Variants in HSF2 observed in about 807,000 individuals in gnomAD.
HSF2 encodes heat shock factor protein 2.
In HSF2, 21 loss-of-function variants were observed where a neutral mutation model predicts 65.0. The ratio of observed to expected loss-of-function variants is 0.32; its 90% confidence interval spans 0.23 to 0.47. The LOEUF is 0.47. Among genes scored for constraint, HSF2 ranks in the 20% least tolerant of loss-of-function variants. The probability of loss-of-function intolerance (pLI) is 1.00; values close to 1 mark genes in which losing one functional copy is unlikely to be tolerated. For synonymous variants in HSF2, 225 were observed against 219.1 expected, an observed-to-expected ratio of 1.03 and a Z score of -0.24; for missense variants, 499 against 628.1, an observed-to-expected ratio of 0.79 and a Z score of 2.20.
At chr6:122,415,337 C>G (rs1056300646) in intron 4 of HSF2, among the ~76,000 whole-genome samples, 2 of 151,936 alleles carry the variant, frequency 1.3e-5, no homozygotes, top group African/African-American at 4.8e-5. Context: ...CAACACTTAC[C>G]AAATTATTTG....
chr6:122,425,923 A>G (rs892832151), intron 10 of HSF2, among the ~76,000 whole-genome samples: 1 of 152,112 alleles, frequency 6.6e-6, no homozygotes, highest in African/African-American at 2.4e-5. Flanking sequence ...TGATTTAACA[A>G]TAAACTTCTT....
intron 11 of HSF2, among the ~76,000 whole-genome samples, chr6:122,428,231 A>C (rs1774380382): frequency 6.6e-6 from 1 of 151,980 alleles, no homozygotes; most frequent in African/African-American, 2.4e-5. Context: ...GTATATTGAA[A>C]CCAATAACTA....
At position 122,419,361 on chromosome 6, in the gene HSF2, A is replaced by G. The variant is rs934652138; in HGVS notation, c.593+132A>G. 7 of 516,424 alleles carry G rather than the reference A, an allele frequency of 1.4e-5. No individual in the cohort carries two copies. The African/African-American group carries it at 1.4e-4, about 10-fold the overall frequency. The allele number at this position is 516,424 out of a possible 1,614,324, so 32.0% of individuals were successfully genotyped here. ...AAGAACAATTCTCCTTTGTTAAATT[A>G]TACTCTTAAAATCTCTAGAGTAGTA... On this transcript the variant is annotated intron_variant, in intron 6 of 12. Transcript: ENST00000368455.
chr6:122,431,966 T>C lies in HSF2; in HGVS notation c.1357T>C (p.Phe453Leu). The C allele has an allele frequency of 6.2e-7, 1 of 1,614,038 alleles. No individual in the cohort carries two copies. The change falls in exon 13 of 13, where the codon TTC becomes CTC. Residue 453 changes from phenylalanine to leucine, a missense_variant. By Grantham distance (22) the Phe-to-Leu change is conservative. Coordinates refer to ENST00000368455, the MANE Select transcript of HSF2 (RefSeq NM_004506.4). Reference sequence around the variant, plus strand: ...GTATACCGCCTTTCCACTTCTTGCATTCCTCGATGGGAACCCTGCTTCTTC... The same window carrying C: ...GTATACCGCCTTTCCACTTCTTGCACTCCTCGATGGGAACCCTGCTTCTTC... ...IQYTAFPLLA[F>L]LDGNPASSVE... is the part of the protein sequence containing the mutation.
intron 11 of HSF2, among the ~76,000 whole-genome samples, chr6:122,428,168 A>G (rs937326503): frequency 6.6e-6 from 1 of 152,032 alleles, no homozygotes; most frequent in African/African-American, 2.4e-5. Context: ...GGGATTAACT[A>G]CCAGTATGAA....
Position 122,423,699 on chromosome 6 carries a change from G to A in HSF2, c.1176+13G>A. 1.4e-6 allele frequency: 2 copies of A among 1,471,878 alleles called. No homozygotes were observed. Among genetic ancestry groups the A allele is most frequent in the Middle Eastern group, 2.0e-4 (1 of 5,056 alleles). The allele number at this position is 1,471,878 out of a possible 1,614,324, so 91.2% of individuals were successfully genotyped here. On this transcript the variant is annotated intron_variant, in intron 10 of 12. Coordinates refer to ENST00000368455, the MANE Select transcript of HSF2 (RefSeq NM_004506.4). Reference sequence around the variant, plus strand: ...TCTCCTGGTTGATGTAGGTACTTTGGGTAATCTTTGCTATACTGGTAGTTT... The same window carrying A: ...TCTCCTGGTTGATGTAGGTACTTTGAGTAATCTTTGCTATACTGGTAGTTT...
At chr6:122,407,485 G>GT (rs1773892785) in intron 1 of HSF2, among the ~76,000 whole-genome samples, 3 of 152,036 alleles carry the variant, frequency 2.0e-5, no homozygotes, top group Non-Finnish European at 2.9e-5. Flanking sequence ...TCTCAATGAG[G>GT]TTTTGATTTA....
rs753347157 is a variant in HSF2 at position 122,427,916 on chromosome 6, C to A, written c.1190C>A (p.Ser397Tyr). ...PDLLVDLFTS[S>Y]VQMNPTDYIN... ...TTGGTCTTTCAGCTTTTCACTAGTT[C>A]TGTGCAGATGAATCCCACAGATTAC... The change falls in exon 11 of 13, where the codon TCT becomes TAT. Residue 397 changes from serine to tyrosine, a missense_variant. Ser to Tyr is a moderately radical substitution (Grantham distance 144). Coordinates refer to ENST00000368455, the MANE Select transcript of HSF2 (RefSeq NM_004506.4). 1 of 1,601,188 alleles carries A rather than the reference C, an allele frequency of 6.2e-7. No homozygotes were observed. Among genetic ancestry groups the A allele is most frequent in the Admixed American group, 1.7e-5 (1 of 59,402 alleles).
chr6:122,406,670 A>G (rs1225460213), intron 1 of HSF2, among the ~76,000 whole-genome samples: 1 of 152,222 alleles, frequency 6.6e-6, no homozygotes, highest in Non-Finnish European at 1.5e-5. Context: ...ATTAAAAATG[A>G]TTCATAAATT....
At chr6:122,409,887 CA>C (rs1383142470) in intron 1 of HSF2, among the ~76,000 whole-genome samples, 1 of 151,838 alleles carries the variant, frequency 6.6e-6, no homozygotes, top group Non-Finnish European at 1.5e-5. Context: ...TTTTTCTTCC[CA>C]AATGGAAAAT....
At chr6:122,423,824 CAGAA>C (rs1774286803) in intron 10 of HSF2, 138 bp downstream of exon 10, 1 of 484,458 alleles carries the variant, frequency 2.1e-6, no homozygotes. Context: ...TTTTGTTTAT[CAGAA>C]AGAATGAAAA....
intron 1 of HSF2, 30 bp downstream of exon 1, chr6:122,399,860 C>G: frequency 6.6e-7 from 1 of 1,524,492 alleles, no homozygotes; most frequent in Non-Finnish European, 9.1e-7. Context: ...GCCTCTGAAC[C>G]CCCTGAATAA....
intron 1 of HSF2, among the ~76,000 whole-genome samples, chr6:122,411,850 T>C (rs1361093141): frequency 6.6e-6 from 1 of 151,920 alleles, no homozygotes; most frequent in Non-Finnish European, 1.5e-5. Context: ...GTTTGTTTTT[T>C]GTAGAGAAAA....
At chr6:122,420,700 CTTTTT>C (rs59305295) in intron 7 of HSF2, among the ~76,000 whole-genome samples, 4 of 28,590 alleles carry the variant, frequency 1.4e-4, no homozygotes, top group East Asian at 1.0e-3. Flanking sequence ...TTATTCATTT[CTTTTT>C]TTTTTTTTTT....
At chr6:122,403,169 G>T (rs981105496) in intron 1 of HSF2, among the ~76,000 whole-genome samples, 4 of 152,118 alleles carry the variant, frequency 2.6e-5, no homozygotes, top group Middle Eastern at 6.8e-3. Flanking sequence ...CTCGAAATTT[G>T]CAATATGACA....
At chr6:122,404,458 C>A (rs370426145) in intron 1 of HSF2, among the ~76,000 whole-genome samples, 11 of 152,246 alleles carry the variant, frequency 7.2e-5, no homozygotes, top group African/African-American at 2.4e-4. Flanking sequence ...GAGCTAAAGA[C>A]TCTAAAAGAG....
chr6:122,426,177 AG>A (rs1774335514), intron 10 of HSF2, among the ~76,000 whole-genome samples: 1 of 152,086 alleles, frequency 6.6e-6, no homozygotes, highest in Non-Finnish European at 1.5e-5. Flanking sequence ...ATAAATAAAA[AG>A]TCCACCTATG....
chr6:122,431,947 C>T lies in HSF2; in HGVS notation c.1338C>T (p.Thr446=), dbSNP rs752437437. The change falls in exon 13 of 13, where the codon ACC becomes ACT. Residue 446 remains threonine, a synonymous_variant. Coordinates refer to ENST00000368455, the MANE Select transcript of HSF2 (RefSeq NM_004506.4). ...TAGATAAGCAGCTTATCCAGTATACCGCCTTTCCACTTCTTGCATTCCTCG... is the reference window on the plus strand; with the variant it reads ...TAGATAAGCAGCTTATCCAGTATACTGCCTTTCCACTTCTTGCATTCCTCG... ...SKPDKQLIQY[T]AFPLLAFLDG... is the part of the protein sequence containing the mutation. The T allele has an allele frequency of 6.8e-6, 11 of 1,613,518 alleles. No homozygotes were observed. The highest frequency in any genetic ancestry group is 4.4e-5 in the South Asian group (4 of 91,020).
At chr6:122,427,634 T>G (rs1451664131) in intron 10 of HSF2, among the ~76,000 whole-genome samples, 17 of 151,764 alleles carry the variant, frequency 1.1e-4, no homozygotes. Context: ...AGGGAGGAGG[T>G]GAAAACCACT....
Sources: allele counts gnomAD v4.1 joint callset (sites outside exome capture counted in the v4.1 genomes callset), GRCh38; gene constraint gnomAD v4.1.1; transcripts MANE v1.5; gene names NCBI Gene and HGNC (gene_info 2026-07-23, HGNC 2026-07-21).